Variants in RIPOR3 observed in about 807,000 individuals in gnomAD.
RIPOR3 encodes family with sequence similarity 65 member C.
RIPOR3 carries 95 observed loss-of-function variants against 114.3 expected under a neutral mutation model. The ratio of observed to expected loss-of-function variants is 0.83; its 90% CI spans 0.70 to 0.99. The LOEUF is 0.99. Ranked by LOEUF, RIPOR3 falls within the 50% of genes least tolerant of loss-of-function variation. The pLI is 0.00. For synonymous variants in RIPOR3, 575 were observed against 543.8 expected (o/e 1.06, Z -0.80); for missense variants, 1,252 against 1,266.9 (o/e 0.99, Z 0.18).
At chr20:50,678,461 T>A (rs944303457) in intron 1 of RIPOR3, among the ~76,000 whole-genome samples, 6 of 151,808 alleles carry the variant, frequency 4.0e-5, no homozygotes, top group Non-Finnish European at 4.4e-5. Flanking sequence ...CATGCCCACA[T>A]ATCTCTCCTC....
intron 19 of RIPOR3, among the ~76,000 whole-genome samples, chr20:50,590,543 TG>T (rs1252755974): frequency 6.6e-6 from 1 of 152,180 alleles, no homozygotes; most frequent in Non-Finnish European, 1.5e-5. Flanking sequence ...CATCTGCAGG[TG>T]GCTCTCCAAA....
At chr20:50,590,008 T>C (rs1420472371) in intron 19 of RIPOR3, 1 of 419,220 alleles carries the variant, frequency 2.4e-6, no homozygotes, top group African/African-American at 2.0e-5. Context: ...AAGAAAGCTA[T>C]TTTTGTCTAA....
intron 2 of RIPOR3, 58 bp from the exon 3 acceptor site, chr20:50,620,190 C>A: frequency 6.3e-7 from 1 of 1,589,082 alleles, no homozygotes; most frequent in Non-Finnish European, 8.6e-7. Context: ...AAAGCCCTCC[C>A]CAGGGGCAGG....
At chr20:50,633,623 C>T (rs2084889923) in intron 1 of RIPOR3, among the ~76,000 whole-genome samples, 2 of 152,322 alleles carry the variant, frequency 1.3e-5, no homozygotes, top group South Asian at 2.1e-4. Context: ...GGGGCTTCCC[C>T]GGCCCCTCCC....
intron 19 of RIPOR3, 55 bp from the exon 20 acceptor site, chr20:50,589,824 G>A: frequency 6.5e-7 from 1 of 1,536,716 alleles, no homozygotes; most frequent in South Asian, 1.2e-5. Flanking sequence ...GGAGTCCATG[G>A]TTCCGGGTCC....
chr20:50,637,609 T>C (rs1248906386), intron 1 of RIPOR3, among the ~76,000 whole-genome samples: 1 of 152,206 alleles, frequency 6.6e-6, no homozygotes, highest in Admixed American at 6.5e-5. Flanking sequence ...AATTATGGGC[T>C]CACGCCTGTA....
intron 1 of RIPOR3, among the ~76,000 whole-genome samples, chr20:50,669,282 A>G (rs1174071026): frequency 6.6e-6 from 1 of 151,782 alleles, no homozygotes; most frequent in Non-Finnish European, 1.5e-5. Context: ...AGGTCAGGCC[A>G]CTCTCCTGAC....
chr20:50,587,477 C>T (rs2082957071), intron 21 of RIPOR3, 145 bp from the exon 22 acceptor site: 1 of 684,772 alleles, frequency 1.5e-6, no homozygotes, highest in South Asian at 1.7e-5. Flanking sequence ...GTGCGGGAGC[C>T]CCCACCTGGT....
rs2082920857 is a variant in RIPOR3 at position 50,586,232 on chromosome 20, ATGTTCAAGTTAAAG to A, written c.*986_*999del. On this transcript the variant is annotated 3_prime_UTR_variant, in exon 22 of 22. Transcript: ENST00000327979. ...ATATGTCCAGGAAGTATCGATGAGAATGTTCAAGTTAAAGTTCTCCAATGCCATTGCTACAGCAA... is the reference window on the plus strand; with the variant it reads ...ATATGTCCAGGAAGTATCGATGAGAATTCTCCAATGCCATTGCTACAGCAA... 1 of 154,408 alleles carries A rather than the reference ATGTTCAAGTTAAAG, an allele frequency of 6.5e-6. No individual in the cohort carries two copies. Among genetic ancestry groups the A allele is most frequent in the Admixed American group, 6.4e-5 (1 of 15,616 alleles). 9.6% of individuals were successfully genotyped at this position (154,408 alleles called of 1,614,324 possible).
chr20:50,618,441 T>A (rs2084266876), intron 3 of RIPOR3, among the ~76,000 whole-genome samples: 1 of 152,200 alleles, frequency 6.6e-6, no homozygotes, highest in Non-Finnish European at 1.5e-5. Context: ...CCTTTGGCTC[T>A]AGCCACGCTG....
rs1324777908 is a variant in RIPOR3 at position 50,602,031 on chromosome 20, T to C, written c.1659+41A>G. 1.4e-6 allele frequency: 2 copies of C among 1,441,170 alleles called. No homozygotes were observed. The highest frequency in any genetic ancestry group is 5.0e-5 in the East Asian group (2 of 39,728). 89.3% of individuals were successfully genotyped at this position (1,441,170 alleles called of 1,614,324 possible). A position where few individuals can be genotyped will look rare whatever the true frequency, so the allele number is the denominator to read the frequency against. On this transcript the variant is annotated intron_variant, in intron 13 of 21. Transcript: ENST00000327979. The surrounding 1 kb of genome is among the most constrained non-coding windows in gnomAD (Gnocchi z 4.3). ...CCCCCGACTCCCAGTCATCATGCCA[T>C]CAGCAAAGCAGGGCCACCGCCCGGG...
chr20:50,667,086 G>A (rs1450327667), intron 1 of RIPOR3, among the ~76,000 whole-genome samples: 1 of 151,976 alleles, frequency 6.6e-6, no homozygotes, highest in Non-Finnish European at 1.5e-5. Context: ...AACCTAGCTT[G>A]GCTAAATTTT....
chr20:50,650,946 GA>G (rs764101219), intron 1 of RIPOR3, among the ~76,000 whole-genome samples: 1 of 152,016 alleles, frequency 6.6e-6, no homozygotes, highest in Non-Finnish European at 1.5e-5. Flanking sequence ...CCTAATCAGA[GA>G]GCCCTCAAAC....
At chr20:50,648,331 T>TA (rs60117235) in intron 1 of RIPOR3, among the ~76,000 whole-genome samples, 1,796 of 136,708 alleles carry the variant, frequency 0.013, 10 homozygotes, top group Non-Finnish European at 0.018. Flanking sequence ...GGGGCTGCTG[T>TA]AAAAAAAAAA....
intron 1 of RIPOR3, among the ~76,000 whole-genome samples, chr20:50,676,141 C>T (rs183520245): frequency 8.5e-5 from 13 of 152,306 alleles, no homozygotes; most frequent in Non-Finnish European, 1.5e-4. Context: ...TGTCCCAAGA[C>T]ACAAAAATGT....
intron 1 of RIPOR3, among the ~76,000 whole-genome samples, chr20:50,682,947 G>A (rs1395360896): frequency 1.3e-5 from 2 of 152,004 alleles, no homozygotes; most frequent in East Asian, 1.9e-4. Context: ...GGCTGGTCTC[G>A]AACTCCTGAC....
rs548072408 is a variant in RIPOR3 at position 50,609,074 on chromosome 20, G to C, written c.641-119C>G. The C allele has an allele frequency of 4.4e-3, 6,138 of 1,400,464 alleles. 39 individuals carry two copies. The highest frequency in any genetic ancestry group is 0.012 in the South Asian group (914 of 78,214). The allele number at this position is 1,400,464 out of a possible 1,614,324, so 86.8% of individuals were successfully genotyped here. On this transcript the variant is annotated intron_variant, in intron 8 of 21. Coordinates refer to ENST00000327979, the MANE Select transcript of RIPOR3 (RefSeq NM_001290268.2). ...TTCAGTTTCAGTGGGGTGAGGATGG[G>C]GGGGAGGTACACCATCATGATGGAA... is the stretch of plus-strand genomic sequence containing the variant.
intron 11 of RIPOR3, 30 bp from the exon 12 acceptor site, chr20:50,604,804 C>T (rs762213953): frequency 6.3e-6 from 10 of 1,599,912 alleles, no homozygotes; most frequent in Non-Finnish European, 8.5e-6. Flanking sequence ...GTCAGGATGC[C>T]ATCGGCACCC....
intron 1 of RIPOR3, among the ~76,000 whole-genome samples, chr20:50,640,908 C>CTTCT (rs1343760951): frequency 0.012 from 1,633 of 134,470 alleles, 32 homozygotes; most frequent in African/African-American, 0.042. Flanking sequence ...ATATGCACTT[C>CTTCT]TTTTTTTTTT....
Sources: gnomAD v4.1 joint callset for allele counts (sites outside exome capture counted in the v4.1 genomes callset) on GRCh38, gnomAD v4.1.1 for gene constraint, Gnocchi (gnomAD v3.1) non-coding constraint, MANE v1.5 for transcripts, NCBI Gene and HGNC (gene_info 2026-07-23, HGNC 2026-07-21) for gene names.